FGF12: variants seen among roughly 807,000 people sequenced by gnomAD.
The protein encoded by FGF12 is fibroblast growth factor 12B.
Under a neutral mutation model 23.6 loss-of-function variants are expected in FGF12, and 14 were observed. The observed-to-expected ratio is 0.59, with a 90% confidence interval of 0.39 to 0.93. The LOEUF is 0.93. FGF12 is among the 40% of genes least tolerant of loss of function. The pLI, the probability that FGF12 is intolerant of heterozygous loss-of-function variation, is 0.00. For missense variants in FGF12, 175 were observed against 217.8 expected, an observed-to-expected ratio of 0.80 and a Z score of 1.24; for synonymous variants, 62 against 77.3, an observed-to-expected ratio of 0.80 and a Z score of 1.04.
At chr3:192,431,323 G>C (rs1422077826) in intron 2 of FGF12, among the ~76,000 whole-genome samples, 1 of 152,046 alleles carries the variant, frequency 6.6e-6, no homozygotes. Flanking sequence ...TGATTTTCTT[G>C]GAAATCAAAA....
chr3:192,425,043 A>T (rs2108786437), intron 2 of FGF12, among the ~76,000 whole-genome samples: 1 of 152,272 alleles, frequency 6.6e-6, no homozygotes, highest in African/African-American at 2.4e-5. Context: ...CTAAGGTAAG[A>T]ACTGGTGAAG....
chr3:192,650,591 T>C (rs1446812150), intron 2 of FGF12, among the ~76,000 whole-genome samples: 2 of 152,166 alleles, frequency 1.3e-5, no homozygotes, highest in Non-Finnish European at 2.9e-5. Context: ...CTTAAATACA[T>C]TTTTAGTCTG....
At chr3:192,411,594 G>A (rs1721202712) in intron 2 of FGF12, among the ~76,000 whole-genome samples, 1 of 152,172 alleles carries the variant, frequency 6.6e-6, no homozygotes, top group African/African-American at 2.4e-5. Flanking sequence ...ACATCAACTG[G>A]TAATTCTATC....
intron 2 of FGF12, among the ~76,000 whole-genome samples, chr3:192,714,816 C>A (rs1412508071): frequency 6.6e-6 from 1 of 152,094 alleles, no homozygotes; most frequent in East Asian, 1.9e-4. Flanking sequence ...CCGCGCCCGG[C>A]CAAGGAAATA....
At chr3:192,554,858 A>T (rs1326491556) in intron 2 of FGF12, among the ~76,000 whole-genome samples, 1 of 152,136 alleles carries the variant, frequency 6.6e-6, no homozygotes, top group Non-Finnish European at 1.5e-5. Context: ...AAACACCCAG[A>T]AAGTTTGGAA....
chr3:192,383,459 C>T (rs564085285), intron 2 of FGF12, among the ~76,000 whole-genome samples: 1 of 151,244 alleles, frequency 6.6e-6, no homozygotes, highest in South Asian at 2.1e-4. Flanking sequence ...GTCTTTGAAC[C>T]CAGATAAACC....
rs190099976 is a variant in FGF12 at position 192,595,542 on chromosome 3, A to C, written c.13+131639T>G. Among the ~76,000 whole-genome samples the C allele has an allele frequency of 3.3e-5, 5 of 152,340 alleles. No individual in the cohort carries two copies. The East Asian group carries it at 9.6e-4, about 29-fold the overall frequency. On this transcript the variant is annotated intron_variant, in intron 2 of 5. Coordinates refer to ENST00000445105, the MANE Select transcript of FGF12 (RefSeq NM_004113.6). Reference sequence around the variant, plus strand: ...TTGAACATGTATGAAAATCTCCAGGAGGGCTTATTAAAACACAGATTGCTG... The same window carrying C: ...TTGAACATGTATGAAAATCTCCAGGCGGGCTTATTAAAACACAGATTGCTG...
chr3:192,719,602 T>G (rs372498157), intron 2 of FGF12, among the ~76,000 whole-genome samples: 3 of 151,890 alleles, frequency 2.0e-5, no homozygotes, highest in African/African-American at 7.2e-5. Flanking sequence ...TTTTAAATAG[T>G]GCTAGAAATG....
chr3:192,385,487 C>T (rs75291278), intron 2 of FGF12, among the ~76,000 whole-genome samples: 6,055 of 152,038 alleles, frequency 0.04, 397 homozygotes, highest in African/African-American at 0.14. Flanking sequence ...TTATGTTTTC[C>T]TAATTCAAAC....
At chr3:192,353,366 C>CTTTTT (rs34992097) in intron 3 of FGF12, among the ~76,000 whole-genome samples, 6 of 98,402 alleles carry the variant, frequency 6.1e-5, no homozygotes, top group East Asian at 3.2e-4. Flanking sequence ...GAGCAGAAGT[C>CTTTTT]TTTTTTTTTT....
intron 2 of FGF12, among the ~76,000 whole-genome samples, chr3:192,453,717 C>T (rs1376896926): frequency 2.6e-5 from 4 of 152,058 alleles, no homozygotes; most frequent in Non-Finnish European, 5.9e-5. Context: ...GAGGGGATGT[C>T]TCTTGCTTGG....
intron 2 of FGF12, among the ~76,000 whole-genome samples, chr3:192,705,196 G>A (rs919460614): frequency 9.2e-5 from 14 of 152,166 alleles, no homozygotes; most frequent in South Asian, 2.1e-4. Context: ...AGCTTTCAGC[G>A]TATTTCAGCC....
intron 4 of FGF12, among the ~76,000 whole-genome samples, chr3:192,294,520 G>A (rs916379188): frequency 1.3e-5 from 2 of 152,070 alleles, no homozygotes; most frequent in Non-Finnish European, 2.9e-5. Context: ...GTAGCTTCCT[G>A]TCTCCTTAGG....
chr3:192,345,257 T>C (rs1214357726), intron 3 of FGF12, among the ~76,000 whole-genome samples: 1 of 152,220 alleles, frequency 6.6e-6, no homozygotes, highest in Non-Finnish European at 1.5e-5. Flanking sequence ...ATGTGTAATA[T>C]GTATCCATCT....
intron 4 of FGF12, among the ~76,000 whole-genome samples, chr3:192,295,550 T>G (rs1577328214): frequency 6.6e-6 from 1 of 152,354 alleles, no homozygotes; most frequent in East Asian, 1.9e-4. Flanking sequence ...AATTAATGTC[T>G]ACATTTCTCT....
intron 2 of FGF12, among the ~76,000 whole-genome samples, chr3:192,424,104 T>G (rs1257187149): frequency 6.6e-6 from 1 of 152,102 alleles, no homozygotes; most frequent in African/African-American, 2.4e-5. Flanking sequence ...AAAAGACTAT[T>G]AATGCTTTCC....
intron 2 of FGF12, among the ~76,000 whole-genome samples, chr3:192,503,449 AC>A (rs1230332324): frequency 6.6e-6 from 1 of 151,970 alleles, no homozygotes; most frequent in African/African-American, 2.4e-5. Context: ...AAAGACTATC[AC>A]CCAAGTTATA....
intron 2 of FGF12, among the ~76,000 whole-genome samples, chr3:192,656,947 A>C (rs1482127197): frequency 6.6e-6 from 1 of 152,190 alleles, no homozygotes; most frequent in East Asian, 1.9e-4. Flanking sequence ...AATCTACAGA[A>C]CATTACTGAG....
chr3:192,441,267 T>C (rs1329957256), intron 2 of FGF12, among the ~76,000 whole-genome samples: 2 of 152,220 alleles, frequency 1.3e-5, no homozygotes, highest in East Asian at 3.8e-4. Context: ...TCCTTATCTT[T>C]TTCTGAGTAA....
Sources: allele counts gnomAD v4.1 joint callset (sites outside exome capture counted in the v4.1 genomes callset), GRCh38; gene constraint gnomAD v4.1.1; transcripts MANE v1.5; gene names NCBI Gene and HGNC (gene_info 2026-07-23, HGNC 2026-07-21).